The following MKKS variants were observed in gnomAD, a reference collection of about 807,000 sequenced individuals.
The protein encoded by MKKS is MKKS centrosomal shuttling protein, also known as molecular chaperone MKKS.
MKKS carries 29 observed loss-of-function variants against 33.2 expected under a neutral mutation model. That is an observed-to-expected ratio of 0.87 (90% CI 0.65 to 1.19). The LOEUF is 1.19. MKKS is among the 50% of genes most tolerant of loss of function. The pLI is 0.00. For missense variants in MKKS, 661 were observed against 662.3 expected, an observed-to-expected ratio of 1.00 and a Z score of 0.02; for synonymous variants, 260 against 244.0, an observed-to-expected ratio of 1.07 and a Z score of -0.61.
chr20:10,427,167 T>C (rs955546686), intron 1 of MKKS, among the ~76,000 whole-genome samples: 5 of 151,912 alleles, frequency 3.3e-5, no homozygotes, highest in Non-Finnish European at 4.4e-5. Flanking sequence ...CTATCTAGCA[T>C]AGTATTAGTT....
chr20:10,433,179 T>A (rs1471901625), intron 1 of MKKS, among the ~76,000 whole-genome samples: 1 of 152,240 alleles, frequency 6.6e-6, no homozygotes, highest in Non-Finnish European at 1.5e-5. Context: ...CATTTTTTTG[T>A]ACTTTTAGCA....
intron 1 of MKKS, among the ~76,000 whole-genome samples, chr20:10,432,768 C>T (rs1370419974): frequency 1.7e-5 from 2 of 119,406 alleles, no homozygotes; most frequent in South Asian, 2.8e-4. Flanking sequence ...TCAGCCTGCG[C>T]GACAGAGCGA....
chr20:10,432,776 C>A (rs903333187), intron 1 of MKKS, among the ~76,000 whole-genome samples: 1 of 113,940 alleles, frequency 8.8e-6, no homozygotes, highest in Admixed American at 1.2e-4. Context: ...CGCGACAGAG[C>A]GAGACTCTTT....
At chr20:10,415,311 C>A (rs1294381147) in intron 2 of MKKS, among the ~76,000 whole-genome samples, 1 of 152,144 alleles carries the variant, frequency 6.6e-6, no homozygotes, top group Non-Finnish European at 1.5e-5. Context: ...TAAAGTACTT[C>A]CTAAAAGTAG....
chr20:10,428,765 G>T lies in MKKS; in HGVS notation c.-649+5343C>A, dbSNP rs185826869. Among the ~76,000 whole-genome samples the T allele has an allele frequency of 1.0e-3, 158 of 152,286 alleles. 1 individual carries two copies. Among genetic ancestry groups the T allele is most frequent in the African/African-American group, 3.6e-3 (151 of 41,554 alleles). On this transcript the variant is annotated intron_variant, in intron 1 of 5. Coordinates refer to ENST00000347364, the MANE Select transcript of MKKS (RefSeq NM_170784.3). ...GAAACAGGAGAATCGCTTGAATCCAGGAGGCAGAGGTTACATTACAGTGAG... is the reference window on the plus strand; with the variant it reads ...GAAACAGGAGAATCGCTTGAATCCATGAGGCAGAGGTTACATTACAGTGAG...
chr20:10,429,872 C>T (rs972120013), intron 1 of MKKS, among the ~76,000 whole-genome samples: 14 of 152,238 alleles, frequency 9.2e-5, no homozygotes, highest in Non-Finnish European at 7.4e-5. Context: ...TCAAGCTGCC[C>T]CTCCTGACCT....
intron 1 of MKKS, among the ~76,000 whole-genome samples, chr20:10,431,137 G>T (rs965053901): frequency 6.6e-6 from 1 of 152,102 alleles, no homozygotes; most frequent in South Asian, 2.1e-4. Flanking sequence ...TTTATTGGGA[G>T]TATATTATCT....
intron 1 of MKKS, among the ~76,000 whole-genome samples, chr20:10,432,146 A>T (rs1418397633): frequency 6.6e-6 from 1 of 152,202 alleles, no homozygotes; most frequent in East Asian, 1.9e-4. Context: ...CTAACGACAG[A>T]TCAATCAAGG....
At chr20:10,422,616 A>G (rs2064988436) in intron 1 of MKKS, among the ~76,000 whole-genome samples, 1 of 152,156 alleles carries the variant, frequency 6.6e-6, no homozygotes, top group Admixed American at 6.5e-5. Context: ...CCTTAACTAA[A>G]GGCCTAGAAG....
rs147111588 is a variant in MKKS, at chr20:10,426,389, G to A, written c.-648-5631C>T. Among the ~76,000 whole-genome samples, 209 of 151,986 alleles carry A rather than the reference G, an allele frequency of 1.4e-3. 1 individual carries two copies. The highest frequency in any genetic ancestry group is 4.8e-3 in the African/African-American group (198 of 41,426). On this transcript the variant is annotated intron_variant, in intron 1 of 5. Transcript: ENST00000347364. ...GATCACTGAGGTCAACTAGCTTGGG[G>A]CATCATGCCTGGCATGTTGTTCTTT...
chr20:10,417,212 C>A (rs1248669644), intron 2 of MKKS, among the ~76,000 whole-genome samples: 1 of 142,320 alleles, frequency 7.0e-6, no homozygotes, highest in Non-Finnish European at 1.5e-5. Flanking sequence ...CATCACCCAA[C>A]TGCAGCCTGG....
In MKKS at chr20:10,408,601, A is replaced by T. The variant is rs200691717; in HGVS notation, c.1161+27T>A. 4.2e-5 allele frequency: 67 copies of T among 1,610,274 alleles called. No individual in the cohort carries two copies. The African/African-American group carries it at 8.7e-4, about 21-fold the overall frequency. ...GACTAATTCCTCCCTCAGCCTCTGC[A>T]TATGGAATTCAAAGTTCATTACCTA... On this transcript the variant is annotated intron_variant, in intron 4 of 5. Transcript: ENST00000347364.
At position 10,403,414 on chromosome 20, in the gene MKKS, C is replaced by CA. The variant is rs962616660; in HGVS notation, c.*1832dup. 6.6e-6 allele frequency: 1 copy of CA among 151,566 alleles called. No individual in the cohort carries two copies. The highest frequency in any genetic ancestry group is 2.0e-4 in the East Asian group (1 of 5,032). The allele number at this position is 151,566 out of a possible 1,614,324, so 9.4% of individuals were successfully genotyped here. A position where few individuals can be genotyped will look rare whatever the true frequency, so the allele number is the denominator to read the frequency against. ...ACGTCCCCCCTACTCCTCAGATCCT[C>CA]AAAAGTTTCACTTTTGCATTACAAC... On this transcript the variant is annotated 3_prime_UTR_variant, in exon 6 of 6. Coordinates refer to ENST00000347364, the MANE Select transcript of MKKS (RefSeq NM_170784.3).
intron 1 of MKKS, among the ~76,000 whole-genome samples, chr20:10,427,051 C>G (rs917776559): frequency 3.6e-5 from 5 of 138,806 alleles, no homozygotes; most frequent in African/African-American, 1.0e-4. Context: ...CACACACACA[C>G]ACACACACAC....
In MKKS at chr20:10,412,403, G is replaced by A. The variant is rs548068312; in HGVS notation, c.985+127C>T. Reference sequence around the variant, plus strand: ...TCTTTTCCAGAAACCTTTGCTGCCAGAAATGATACTGACACATGCTGGGTC... The same window carrying A: ...TCTTTTCCAGAAACCTTTGCTGCCAAAAATGATACTGACACATGCTGGGTC... On this transcript the variant is annotated intron_variant, in intron 3 of 5. Transcript: ENST00000347364. 7.6e-5 allele frequency: 72 copies of A among 947,136 alleles called. 1 individual carries two copies. The African/African-American group carries it at 1.1e-3, about 14-fold the overall frequency. The allele number at this position is 947,136 out of a possible 1,614,324, so 58.7% of individuals were successfully genotyped here.
At position 10,420,537 on chromosome 20, in the gene MKKS, G is replaced by A. The variant is rs1161103705; in HGVS notation, c.-427C>T. On this transcript the variant is annotated 5_prime_UTR_variant, in exon 2 of 6. Transcript: ENST00000347364. Reference sequence around the variant, plus strand: ...ATTAAATGGAACTTACCTGAAGATTGCAAGCCTGCTACTTCCCCTGGATTT... The same window carrying A: ...ATTAAATGGAACTTACCTGAAGATTACAAGCCTGCTACTTCCCCTGGATTT... 1 of 152,168 alleles carries A rather than the reference G, an allele frequency of 6.6e-6. No homozygotes were observed. Among genetic ancestry groups the A allele is most frequent in the African/African-American group, 2.4e-5 (1 of 41,438 alleles). The allele number at this position is 152,168 out of a possible 1,614,324, so 9.4% of individuals were successfully genotyped here. A position where few individuals can be genotyped will look rare whatever the true frequency, so the allele number is the denominator to read the frequency against.
rs542432919 is a variant in MKKS, at chr20:10,418,599, T to A, written c.-418+1929A>T. Among the ~76,000 whole-genome samples the A allele has an allele frequency of 3.9e-5, 6 of 152,274 alleles. No individual in the cohort carries two copies. The South Asian group carries it at 1.2e-3, about 32-fold the overall frequency. On this transcript the variant is annotated intron_variant, in intron 2 of 5. Transcript: ENST00000347364. The stretch of plus-strand genomic sequence containing the variant: ...AGCCTCTAAAACTTTTAACTATTGC[T>A]GCACTGGCATCTAAAATCTCTTACT...
In MKKS at chr20:10,405,296, GTC is replaced by G; in HGVS notation, c.1662_1663del (p.Glu554AspfsTer13). On this transcript the variant is annotated frameshift_variant, in exon 6 of 6. Coordinates refer to ENST00000347364, the MANE Select transcript of MKKS (RefSeq NM_170784.3). LOFTEE classifies it high-confidence loss of function. ...TGAAAGATCCAAAATCAAATTGGCT[GTC>G]TCTACAGCCACCTGTAGGCCACTAA... 1 of 1,613,434 alleles carries G rather than the reference GTC, an allele frequency of 6.2e-7. No homozygotes were observed. Among genetic ancestry groups the G allele is most frequent in the Non-Finnish European group, 8.5e-7 (1 of 1,179,682 alleles).
At chr20:10,426,846 A>G (rs759689177) in intron 1 of MKKS, among the ~76,000 whole-genome samples, 2 of 152,236 alleles carry the variant, frequency 1.3e-5, no homozygotes, top group Non-Finnish European at 2.9e-5. Flanking sequence ...CTCCAAAAAC[A>G]CATCCGTGAC....
Sources: allele counts gnomAD v4.1 joint callset (sites outside exome capture counted in the v4.1 genomes callset), GRCh38; gene constraint gnomAD v4.1.1; transcripts MANE v1.5; gene names NCBI Gene and HGNC (gene_info 2026-07-23, HGNC 2026-07-21).